CAPN2: variants seen among roughly 807,000 people sequenced by gnomAD.
The protein encoded by CAPN2 is calpain-2 catalytic subunit.
A neutral mutation model predicts 102.3 loss-of-function variants in CAPN2; 92 were observed. That is an observed-to-expected ratio of 0.90 (90% CI 0.76 to 1.07). The LOEUF (loss-of-function observed/expected upper bound fraction) is 1.07, where lower values mean the gene tolerates loss of function less well. Among genes scored for constraint, CAPN2 ranks in the 50% least tolerant of loss-of-function variants. CAPN2 has a pLI of 0.00. For synonymous variants in CAPN2, 340 were observed against 355.4 expected (o/e 0.96, Z 0.49); for missense variants, 800 against 909.4 (o/e 0.88, Z 1.55).
intron 16 of CAPN2, among the ~76,000 whole-genome samples, chr1:223,769,562 G>A (rs1661419002): frequency 6.6e-6 from 1 of 152,126 alleles, no homozygotes; most frequent in African/African-American, 2.4e-5. Context: ...CCCTCTGCAT[G>A]TCATCCAATA....
chr1:223,746,815 T>C (rs1263038989), intron 4 of CAPN2, among the ~76,000 whole-genome samples, 182 bp from the exon 5 acceptor site: 1 of 151,950 alleles, frequency 6.6e-6, no homozygotes, highest in Non-Finnish European at 1.5e-5. Flanking sequence ...ACCAGGGAAA[T>C]GGTAACTGTG....
chr1:223,759,578 C>T lies in CAPN2; in HGVS notation c.1529+97C>T. The T allele has an allele frequency of 1.0e-6, 1 of 979,058 alleles. No individual in the cohort carries two copies. Among genetic ancestry groups the T allele is most frequent in the South Asian group, 1.5e-5 (1 of 65,652 alleles). 60.6% of individuals were successfully genotyped at this position (979,058 alleles called of 1,614,324 possible). A position where few individuals can be genotyped will look rare whatever the true frequency, so the allele number is the denominator to read the frequency against. On this transcript the variant is annotated intron_variant, in intron 12 of 20. Transcript: ENST00000295006. This position sits in a 1 kb window ranked among gnomAD's most constrained non-coding sequence, Gnocchi z 4.6. ...GAGGGCTCTTTCATCCTCTGAATGTCAGTTACTTTTTCTGTAACACCTGCC... is the reference window on the plus strand; with the variant it reads ...GAGGGCTCTTTCATCCTCTGAATGTTAGTTACTTTTTCTGTAACACCTGCC...
rs1311678111 is a variant in CAPN2, at chr1:223,770,487, T to A, written c.1865T>A (p.Met622Lys). 6.2e-7 allele frequency: 1 copy of A among 1,613,894 alleles called. No individual in the cohort carries two copies. The highest frequency in any genetic ancestry group is 1.1e-5 in the South Asian group (1 of 91,048). Residue 622 changes from methionine (M) to lysine (K), a missense_variant, in exon 18 of 21, where the codon ATG becomes AAG. Physicochemically the swap from Met to Lys is moderately conservative, Grantham distance 95 (BLOSUM62 -1). Coordinates refer to ENST00000295006, the MANE Select transcript of CAPN2 (RefSeq NM_001748.5). ...REIDVDRSGT[M>K]NSYEMRKALE... Reference sequence around the variant, plus strand: ...ATCGACGTTGACAGGTCTGGTACCATGAATTCCTATGAAATGCGGAAGGCA... The same window carrying A: ...ATCGACGTTGACAGGTCTGGTACCAAGAATTCCTATGAAATGCGGAAGGCA...
At chr1:223,758,782 T>C (rs998495853) in intron 11 of CAPN2, 1 of 195,194 alleles carries the variant, frequency 5.1e-6, no homozygotes, top group Admixed American at 5.4e-5. Flanking sequence ...GTCCTTGAAC[T>C]CTCAGACTCA....
intron 1 of CAPN2, among the ~76,000 whole-genome samples, chr1:223,702,031 A>AAGGC (rs1659484513): frequency 3.2e-5 from 2 of 62,766 alleles, no homozygotes; most frequent in South Asian, 2.1e-3. Flanking sequence ...AGAGGGAAGG[A>AAGGC]AGGGAGGGAG....
chr1:223,750,435 A>G (rs1457623203), intron 6 of CAPN2, among the ~76,000 whole-genome samples: 2 of 152,206 alleles, frequency 1.3e-5, no homozygotes, highest in Admixed American at 1.3e-4. Context: ...TATAAAGTCT[A>G]TACTAACATT....
intron 6 of CAPN2, among the ~76,000 whole-genome samples, chr1:223,750,267 C>T (rs1037035408): frequency 1.3e-5 from 2 of 152,168 alleles, no homozygotes; most frequent in African/African-American, 2.4e-5. Flanking sequence ...TATGTGTGCA[C>T]TTTTTTTGAG....
At position 223,747,005 on chromosome 1, in the gene CAPN2, G is replaced by A. The variant is rs753271009; in HGVS notation, c.569G>A (p.Gly190Glu). The A allele has an allele frequency of 3.7e-6, 6 of 1,613,512 alleles. No homozygotes were observed. The highest frequency in any genetic ancestry group is 5.1e-6 in the Non-Finnish European group (6 of 1,179,660). ...CTAATCCCCTCTTGTAGGATCAACG[G>A]ATGCTATGAAGCGCTATCAGGGGGT... ...LLEKAYAKIN[G>E]CYEALSGGAT... Residue 190 changes from glycine (G) to glutamate (E), a missense_variant, in exon 5 of 21, where the codon GGA becomes GAA. By Grantham distance (98) the Gly-to-Glu change is moderately conservative. Transcript: ENST00000295006.
upstream of CAPN2, chr1:223,712,474 G>A: frequency 1.7e-6 from 2 of 1,169,208 alleles, no homozygotes; most frequent in African/African-American, 1.6e-5. Context: ...GAGCGGCTGA[G>A]GCCACACCCC....
At chr1:223,716,597 A>G (rs1311299974) in intron 1 of CAPN2, among the ~76,000 whole-genome samples, 2 of 151,948 alleles carry the variant, frequency 1.3e-5, no homozygotes, top group African/African-American at 4.8e-5. Flanking sequence ...AGTCTCATAT[A>G]GGCATACTTC....
chr1:223,719,520 CAGAG>C (rs1438490723), intron 2 of CAPN2, among the ~76,000 whole-genome samples: 7 of 152,168 alleles, frequency 4.6e-5, no homozygotes, highest in South Asian at 2.1e-4. Context: ...GCCGGGGTGA[CAGAG>C]AGAGACCCCA....
chr1:223,733,589 G>T (rs1368974195), intron 2 of CAPN2, among the ~76,000 whole-genome samples: 1 of 152,208 alleles, frequency 6.6e-6, no homozygotes, highest in Admixed American at 6.5e-5. Flanking sequence ...TGGCTACCTG[G>T]TGTGCTCTCC....
rs1399724396 is a variant in CAPN2, at chr1:223,726,953, C to T, written c.307+9122C>T. On this transcript the variant is annotated intron_variant, in intron 2 of 20. Transcript: ENST00000295006. This position sits in a 1 kb window ranked among gnomAD's most constrained non-coding sequence, Gnocchi z 4.4. ...GTGCATTTCCTCTAGAGAAGCCCCT[C>T]CCTGCCAGTTTCAGAGGGATGGCCC... Among the ~76,000 whole-genome samples, 1 of 152,176 alleles carries T rather than the reference C, an allele frequency of 6.6e-6. No homozygotes were observed. The highest frequency in any genetic ancestry group is 2.4e-5 in the African/African-American group (1 of 41,446).
chr1:223,761,768 G>C, intron 13 of CAPN2, 151 bp downstream of exon 13: 1 of 647,996 alleles, frequency 1.5e-6, no homozygotes. Context: ...TCGACTACCT[G>C]CATCAGCTCT....
At chr1:223,704,497 A>C (rs1195870556) in intron 1 of CAPN2, among the ~76,000 whole-genome samples, 1 of 152,190 alleles carries the variant, frequency 6.6e-6, no homozygotes, top group Non-Finnish European at 1.5e-5. Flanking sequence ...CTTTGTCAGC[A>C]ACGTTTTCCC....
At chr1:223,762,281 C>T (rs561955368) in intron 14 of CAPN2, 30 bp downstream of exon 14, 1 of 1,548,632 alleles carries the variant, frequency 6.5e-7, no homozygotes, top group African/African-American at 1.4e-5. Flanking sequence ...ATGTTATGCA[C>T]TCTGGTTGAT....
intron 17 of CAPN2, 158 bp from the exon 18 acceptor site, chr1:223,770,289 C>CTAT (rs1432964559): frequency 9.7e-6 from 6 of 616,388 alleles, no homozygotes; most frequent in Admixed American, 3.0e-5. Flanking sequence ...AAGCAAAATA[C>CTAT]TATTAGTTAT....
intron 2 of CAPN2, among the ~76,000 whole-genome samples, chr1:223,720,856 A>G (rs1660032457): frequency 6.6e-6 from 1 of 152,094 alleles, no homozygotes; most frequent in Non-Finnish European, 1.5e-5. Context: ...CTGATTTTGA[A>G]TCCTACACTC....
chr1:223,724,062 C>G (rs1467268778), intron 2 of CAPN2, among the ~76,000 whole-genome samples: 1 of 152,000 alleles, frequency 6.6e-6, no homozygotes, highest in Non-Finnish European at 1.5e-5. Context: ...TATCTTGTCT[C>G]TGAGATTAGA....
Sources: allele counts gnomAD v4.1 joint callset (sites outside exome capture counted in the v4.1 genomes callset), GRCh38; gene constraint gnomAD v4.1.1; non-coding constraint Gnocchi (gnomAD v3.1); transcripts MANE v1.5; gene names NCBI Gene and HGNC (gene_info 2026-07-23, HGNC 2026-07-21).